MATCAP2: variants seen among roughly 807,000 people sequenced by gnomAD.
MATCAP2 encodes putative tyrosine carboxypeptidase MATCAP2.
the MATCAP2 span, chr7:36,366,714 T>C: frequency 6.5e-7 from 1 of 1,535,272 alleles, no homozygotes; most frequent in Non-Finnish European, 8.7e-7. Context: ...TGATAATAAG[T>C]GACGAAAGGA....
the MATCAP2 span, among the ~76,000 whole-genome samples, chr7:36,369,444 T>C: frequency 6.6e-6 from 1 of 152,190 alleles, no homozygotes; most frequent in Non-Finnish European, 1.5e-5. Flanking sequence ...AAGTTTGCTA[T>C]AAATGCATCT....
the MATCAP2 span, among the ~76,000 whole-genome samples, chr7:36,386,471 G>A: frequency 6.6e-6 from 1 of 151,184 alleles, no homozygotes; most frequent in African/African-American, 2.4e-5. Flanking sequence ...GTGTGTGTGT[G>A]TATCATTAGT....
chr7:36,339,513 T>C, the MATCAP2 span, among the ~76,000 whole-genome samples: 1 of 152,314 alleles, frequency 6.6e-6, no homozygotes, highest in South Asian at 2.1e-4. Context: ...CCCCAGGTGA[T>C]TCAAGTGCAT....
chr7:36,389,988 C>G, the MATCAP2 span: 1 of 1,614,096 alleles, frequency 6.2e-7, no homozygotes, highest in Non-Finnish European at 8.5e-7. Flanking sequence ...TGAATTTGAA[C>G]CACCGTTTCC....
chr7:36,340,352 A>C, the MATCAP2 span, among the ~76,000 whole-genome samples: 5 of 152,206 alleles, frequency 3.3e-5, no homozygotes, highest in Non-Finnish European at 7.3e-5. Flanking sequence ...TCTCAGAATG[A>C]ATGACTAAAT....
the MATCAP2 span, among the ~76,000 whole-genome samples, chr7:36,337,938 G>C: frequency 6.6e-6 from 1 of 152,032 alleles, no homozygotes; most frequent in East Asian, 1.9e-4. Flanking sequence ...TACCACTGAG[G>C]ACTAAACTCT....
At chr7:36,356,542 C>T in the MATCAP2 span, 9 of 377,772 alleles carry the variant, frequency 2.4e-5, no homozygotes, top group South Asian at 4.0e-4. Context: ...ACAAAGAAAT[C>T]AATTAGAAAA....
chr7:36,324,822 T>G, the MATCAP2 span: 109 of 152,336 alleles, frequency 7.2e-4, no homozygotes, highest in African/African-American at 2.5e-3. Context: ...AGCAGTTCCT[T>G]TTCCAAATCA....
the MATCAP2 span, among the ~76,000 whole-genome samples, chr7:36,372,966 G>A: frequency 6.6e-6 from 1 of 152,104 alleles, no homozygotes; most frequent in Non-Finnish European, 1.5e-5. Context: ...TTAGCCAGGT[G>A]TGGTGGTGCA....
At chr7:36,371,324 G>A in the MATCAP2 span, among the ~76,000 whole-genome samples, 2 of 152,096 alleles carry the variant, frequency 1.3e-5, no homozygotes, top group Non-Finnish European at 2.9e-5. Context: ...ATGTTGCCAG[G>A]CTGGTTTTGA....
At chr7:36,382,740 G>A in the MATCAP2 span, among the ~76,000 whole-genome samples, 6 of 152,110 alleles carry the variant, frequency 3.9e-5, no homozygotes, top group African/African-American at 7.2e-5. Flanking sequence ...TGATCCACCC[G>A]CCTTGGCCTC....
the MATCAP2 span, among the ~76,000 whole-genome samples, chr7:36,386,841 T>G: frequency 7.2e-5 from 11 of 152,200 alleles, 1 homozygote; most frequent in Admixed American, 7.2e-4. Flanking sequence ...GACTGGAGTA[T>G]CATTTGTTAT....
At chr7:36,329,047 A>AAAAT in the MATCAP2 span, among the ~76,000 whole-genome samples, 4 of 152,194 alleles carry the variant, frequency 2.6e-5, no homozygotes, top group East Asian at 1.9e-4. Flanking sequence ...CCGTATCAAA[A>AAAAT]AAATAAATAA....
the MATCAP2 span, among the ~76,000 whole-genome samples, chr7:36,387,658 C>A: frequency 9.8e-4 from 149 of 152,232 alleles, 1 homozygote; most frequent in African/African-American, 3.2e-3. Flanking sequence ...TCACTATCAT[C>A]ATCATTATCA....
chr7:36,357,345 TAGG>T, the MATCAP2 span: 304 of 1,614,100 alleles, frequency 1.9e-4, 4 homozygotes, highest in South Asian at 2.4e-3. Flanking sequence ...CGAGAAGTGT[TAGG>T]AGATTTGCTG....
the MATCAP2 span, among the ~76,000 whole-genome samples, chr7:36,376,837 A>G: frequency 6.6e-6 from 1 of 152,134 alleles, no homozygotes; most frequent in African/African-American, 2.4e-5. Flanking sequence ...TCCTTTTACC[A>G]TTATGTAATG....
chr7:36,366,743 C>T, the MATCAP2 span: 7 of 1,535,270 alleles, frequency 4.6e-6, no homozygotes, highest in Non-Finnish European at 5.2e-6. Context: ...CGATTTCTCT[C>T]TTCCCTCCAC....
the MATCAP2 span, among the ~76,000 whole-genome samples, chr7:36,386,479 A>G: frequency 8.4e-6 from 1 of 118,636 alleles, no homozygotes; most frequent in African/African-American, 3.1e-5. Context: ...GTGTATCATT[A>G]GTTATATTAA....
chr7:36,325,666 G>A, the MATCAP2 span: 2 of 152,126 alleles, frequency 1.3e-5, no homozygotes, highest in Non-Finnish European at 2.9e-5. Flanking sequence ...ATATATACAA[G>A]TATATACTGA....
Sources: allele counts gnomAD v4.1 joint callset (sites outside exome capture counted in the v4.1 genomes callset), GRCh38; gene constraint gnomAD v4.1.1; transcripts MANE v1.5; gene names NCBI Gene and HGNC (gene_info 2026-07-23, HGNC 2026-07-21).